The following PTPRN2 variants were observed in gnomAD, a reference collection of about 807,000 sequenced individuals.
The protein encoded by PTPRN2 is receptor-type tyrosine-protein phosphatase N2.
PTPRN2 carries 74 observed loss-of-function variants against 118.8 expected under a neutral mutation model. The ratio of observed to expected loss-of-function variants is 0.62; its 90% CI spans 0.52 to 0.76. The LOEUF (loss-of-function observed/expected upper bound fraction) is 0.76. Among genes scored for constraint, PTPRN2 ranks in the 30% least tolerant of loss-of-function variants. The pLI, the probability that PTPRN2 is intolerant of heterozygous loss-of-function variation, is 0.00. For missense variants in PTPRN2, 1,481 were observed against 1,394.4 expected, an observed-to-expected ratio of 1.06 and a Z score of -0.99; for synonymous variants, 641 against 608.0, an observed-to-expected ratio of 1.05 and a Z score of -0.80.
chr7:158,056,807 C>A (rs950754684), intron 11 of PTPRN2, among the ~76,000 whole-genome samples: 2 of 152,220 alleles, frequency 1.3e-5, no homozygotes, highest in African/African-American at 4.8e-5. Context: ...GGAGTCCTTA[C>A]AGAAGCTGCA....
Position 157,728,113 on chromosome 7 carries a change from AG to A in PTPRN2, c.1789-45177del, listed in dbSNP as rs202119398. Among the ~76,000 whole-genome samples the A allele has an allele frequency of 6.0e-3, 917 of 152,280 alleles. 9 individuals are homozygous for A. Among genetic ancestry groups the A allele is most frequent in the African/African-American group, 0.021 (861 of 41,560 alleles). ...GTGGGTACCCAGCGAGGGTCTGGCA[AG>A]GAGGTCAGCTCAGCTGGGCAGACAC... is the stretch of plus-strand genomic sequence containing the variant. On this transcript the variant is annotated intron_variant, in intron 12 of 22. Coordinates refer to ENST00000389418, the MANE Select transcript of PTPRN2 (RefSeq NM_002847.5).
chr7:158,033,937 C>T (rs1198785443), intron 11 of PTPRN2, among the ~76,000 whole-genome samples: 1 of 140,542 alleles, frequency 7.1e-6, no homozygotes, highest in East Asian at 2.2e-4. Context: ...AGCATCCCTG[C>T]CCAGCAATGC....
At chr7:158,230,504 T>C (rs1829093928) in intron 3 of PTPRN2, among the ~76,000 whole-genome samples, 1 of 152,118 alleles carries the variant, frequency 6.6e-6, no homozygotes, top group South Asian at 2.1e-4. Context: ...CAATAGGAAG[T>C]CAAAGTGTGG....
chr7:158,365,204 C>T (rs546502111), intron 2 of PTPRN2, among the ~76,000 whole-genome samples: 2 of 152,338 alleles, frequency 1.3e-5, no homozygotes, highest in South Asian at 4.1e-4. Context: ...TTGCGAGCGC[C>T]TCACGTGAGC....
intron 2 of PTPRN2, among the ~76,000 whole-genome samples, chr7:158,334,524 A>G (rs1196904402): frequency 8.2e-5 from 9 of 110,004 alleles, no homozygotes; most frequent in South Asian, 3.5e-4. Flanking sequence ...AAGAGGTGAC[A>G]CCTGCAGACG....
intron 6 of PTPRN2, among the ~76,000 whole-genome samples, chr7:158,144,865 C>A (rs117616944): frequency 6.6e-6 from 1 of 152,210 alleles, no homozygotes; most frequent in African/African-American, 2.4e-5. Flanking sequence ...TTATTCCCCT[C>A]TCAAACCCAC....
At chr7:158,038,621 TAATAA>T (rs2128887778) in intron 11 of PTPRN2, among the ~76,000 whole-genome samples, 1 of 150,956 alleles carries the variant, frequency 6.6e-6, no homozygotes, top group East Asian at 1.9e-4. Flanking sequence ...ATACATTTTA[TAATAA>T]AATACTATGC....
At chr7:158,297,270 G>C (rs1207561151) in intron 3 of PTPRN2, among the ~76,000 whole-genome samples, 1 of 152,184 alleles carries the variant, frequency 6.6e-6, no homozygotes, top group Non-Finnish European at 1.5e-5. Context: ...TAACTCTCTG[G>C]CTTTCAGCCG....
intron 12 of PTPRN2, among the ~76,000 whole-genome samples, chr7:157,827,718 G>A (rs1012720512): frequency 2.0e-5 from 3 of 152,302 alleles, no homozygotes; most frequent in Non-Finnish European, 4.4e-5. Context: ...GTGCCTTGGA[G>A]GAGGGCGGTT....
intron 3 of PTPRN2, among the ~76,000 whole-genome samples, chr7:158,276,962 C>T (rs556628696): frequency 6.4e-4 from 97 of 152,276 alleles, no homozygotes; most frequent in Non-Finnish European, 1.0e-3. Context: ...CAGCCCACAG[C>T]GGGGTGAGGA....
intron 11 of PTPRN2, among the ~76,000 whole-genome samples, chr7:157,951,134 C>T (rs1167444723): frequency 6.6e-6 from 1 of 152,062 alleles, no homozygotes; most frequent in Non-Finnish European, 1.5e-5. Context: ...CCCCAGGTGC[C>T]GTCCCCTGAC....
chr7:157,826,081 C>CA (rs1247926003), intron 12 of PTPRN2, among the ~76,000 whole-genome samples: 2 of 152,292 alleles, frequency 1.3e-5, no homozygotes, highest in Admixed American at 1.3e-4. Flanking sequence ...CAACCGTGAT[C>CA]ACCACAGTCA....
rs1000893876 is a variant in PTPRN2 at position 157,596,034 on chromosome 7, T to C, written c.2419-719A>G. ...TCCTGGCCACGGAGCCCACCCAGGCTGCCCTGTGTTCAGGAGAACGAGCCT... is the reference window on the plus strand; with the variant it reads ...TCCTGGCCACGGAGCCCACCCAGGCCGCCCTGTGTTCAGGAGAACGAGCCT... On this transcript the variant is annotated intron_variant, in intron 16 of 22. Coordinates refer to ENST00000389418, the MANE Select transcript of PTPRN2 (RefSeq NM_002847.5). This position sits in a 1 kb window ranked among gnomAD's most constrained non-coding sequence, Gnocchi z 4.2. 2.0e-5 allele frequency among the ~76,000 whole-genome samples: 3 copies of C among 152,336 alleles called. No homozygotes were observed. In the East Asian group the frequency reaches 5.8e-4, roughly 29 times the overall value.
At chr7:158,443,045 T>TTA (rs1817465000) in intron 2 of PTPRN2, among the ~76,000 whole-genome samples, 1 of 136,912 alleles carries the variant, frequency 7.3e-6, no homozygotes. Context: ...AAATAAGTAT[T>TTA]AAAAAAAAAA....
chr7:158,081,296 AC>A lies in PTPRN2; in HGVS notation c.1723+1del. On this transcript the variant is annotated splice_donor_variant, in intron 11 of 22. Transcript: ENST00000389418. LOFTEE classifies it high-confidence loss of function. ...TGTACGTGTGTGTGGAAACAGCCTC[AC>A]CTGTGGCCTTCTCCACATCCTCAGT... The A allele has an allele frequency of 6.2e-7, 1 of 1,613,352 alleles. No homozygotes were observed. The highest frequency in any genetic ancestry group is 8.5e-7 in the Non-Finnish European group (1 of 1,179,402).
intron 3 of PTPRN2, among the ~76,000 whole-genome samples, chr7:158,214,511 C>A (rs1015513339): frequency 1.3e-5 from 2 of 152,088 alleles, no homozygotes; most frequent in East Asian, 3.9e-4. Flanking sequence ...ATATTAACAG[C>A]TCTACCCCAG....
At chr7:158,326,287 G>A (rs186142412) in intron 2 of PTPRN2, among the ~76,000 whole-genome samples, 1 of 152,362 alleles carries the variant, frequency 6.6e-6, no homozygotes, top group East Asian at 1.9e-4. Context: ...GTGACCCCTC[G>A]TGGCTGCCTC....
chr7:157,628,969 G>A (rs1223945981), intron 14 of PTPRN2, among the ~76,000 whole-genome samples: 1 of 152,134 alleles, frequency 6.6e-6, no homozygotes, highest in African/African-American at 2.4e-5. Context: ...GAGACTATGT[G>A]ACACTAAACT....
intron 11 of PTPRN2, among the ~76,000 whole-genome samples, chr7:157,910,395 G>A (rs1158107196): frequency 3.1e-5 from 4 of 127,258 alleles, no homozygotes; most frequent in African/African-American, 9.1e-5. Context: ...ACGCCGTGGG[G>A]ACGGGTCCAG....
Sources: gnomAD v4.1 joint callset for allele counts (sites outside exome capture counted in the v4.1 genomes callset) on GRCh38, gnomAD v4.1.1 for gene constraint, Gnocchi (gnomAD v3.1) non-coding constraint, MANE v1.5 for transcripts, NCBI Gene and HGNC (gene_info 2026-07-23, HGNC 2026-07-21) for gene names.